SRL: variants seen among roughly 807,000 people sequenced by gnomAD.
The protein encoded by SRL is sarcalumenin.
Under a neutral mutation model 39.5 loss-of-function variants are expected in SRL, and 23 were observed. The observed-to-expected ratio is 0.58, with a 90% CI of 0.42 to 0.82. The LOEUF is 0.82. Among genes scored for constraint, SRL ranks in the 40% least tolerant of loss-of-function variants. SRL has a pLI of 0.00. For synonymous variants in SRL, 272 were observed against 237.4 expected, an observed-to-expected ratio of 1.15 and a Z score of -1.34; for missense variants, 592 against 607.8, an observed-to-expected ratio of 0.97 and a Z score of 0.27.
intron 3 of SRL, among the ~76,000 whole-genome samples, chr16:4,202,420 C>A (rs762135499): frequency 2.6e-5 from 4 of 152,112 alleles, no homozygotes; most frequent in Non-Finnish European, 5.9e-5. Context: ...GGTGAAACCC[C>A]ATCTCTACTA....
At chr16:4,241,254 A>C (rs1295678817) in intron 1 of SRL, among the ~76,000 whole-genome samples, 7 of 152,056 alleles carry the variant, frequency 4.6e-5, no homozygotes, top group Non-Finnish European at 2.9e-5. Context: ...GTGGCAAAAC[A>C]ATCTGGCATC....
At position 4,201,637 on chromosome 16, in the gene SRL, TTTTGTTTGTTTGTTTG is replaced by T. The variant is rs3081045; in HGVS notation, c.259+1513_259+1528del. Among the ~76,000 whole-genome samples the T allele has an allele frequency of 4.9e-5, 6 of 122,244 alleles. 1 individual carries two copies. Among genetic ancestry groups the T allele is most frequent in the East Asian group, 2.0e-4 (1 of 4,934 alleles). 80.2% of individuals were successfully genotyped at this position (122,244 alleles called of 152,430 possible). On this transcript the variant is annotated intron_variant, in intron 3 of 5. Coordinates refer to ENST00000399609, the MANE Select transcript of SRL (RefSeq NM_001098814.2). The stretch of plus-strand genomic sequence containing the variant: ...GCTGGGCCCAATTTTTGTGTGTGTG[TTTTGTTTGTTTGTTTG>T]TTTGTTTGTTTGTTTGTTTTGAGAT...
chr16:4,217,610 C>G (rs191510647), intron 1 of SRL, among the ~76,000 whole-genome samples: 1 of 152,336 alleles, frequency 6.6e-6, no homozygotes, highest in East Asian at 1.9e-4. Flanking sequence ...GCGAAGTAAC[C>G]TTGGGTTGCT....
chr16:4,195,819 A>G, intron 4 of SRL, 33 bp from the exon 5 acceptor site: 1 of 1,564,760 alleles, frequency 6.4e-7, no homozygotes, highest in Non-Finnish European at 8.8e-7. Context: ...GAAGGAATAC[A>G]TGATCTCTGT....
intron 1 of SRL, among the ~76,000 whole-genome samples, chr16:4,211,710 T>C (rs982758272): frequency 6.6e-5 from 10 of 150,818 alleles, no homozygotes; most frequent in Admixed American, 3.3e-4. Context: ...GTGATGATGG[T>C]GATGGTGATG....
chr16:4,226,650 G>A (rs368459926), intron 1 of SRL, among the ~76,000 whole-genome samples: 2 of 151,960 alleles, frequency 1.3e-5, no homozygotes, highest in African/African-American at 2.4e-5. Flanking sequence ...TGGAAGGAAG[G>A]AAGGGTGAAT....
chr16:4,216,630 C>T (rs2052463481), intron 1 of SRL, among the ~76,000 whole-genome samples: 2 of 152,182 alleles, frequency 1.3e-5, no homozygotes, highest in African/African-American at 4.8e-5. Flanking sequence ...ATCCTAACCC[C>T]TCAGTATGAG....
At chr16:4,197,083 T>TTTTGTG (rs1555453611) in intron 4 of SRL, among the ~76,000 whole-genome samples, 3 of 69,846 alleles carry the variant, frequency 4.3e-5, no homozygotes, top group African/African-American at 5.6e-5. Context: ...TTTTTTTTTT[T>TTTTGTG]TGTGAGACAG....
rs750703728 is a variant in SRL at position 4,204,659 on chromosome 16, G to C, written c.62-25C>G. ...TCTGTGGAGAGAAGCAGACAGCCAAGTGAGAGCAAAGCTAACAGCCAGCTG... is the reference window on the plus strand; with the variant it reads ...TCTGTGGAGAGAAGCAGACAGCCAACTGAGAGCAAAGCTAACAGCCAGCTG... On this transcript the variant is annotated intron_variant, in intron 1 of 5. Coordinates refer to ENST00000399609, the MANE Select transcript of SRL (RefSeq NM_001098814.2). 3.1e-6 allele frequency: 5 copies of C among 1,606,934 alleles called. No individual in the cohort carries two copies. In the South Asian group the frequency reaches 3.3e-5, roughly 11 times the overall value.
At chr16:4,216,047 G>A (rs2052456121) in intron 1 of SRL, among the ~76,000 whole-genome samples, 1 of 150,448 alleles carries the variant, frequency 6.6e-6, no homozygotes, top group Non-Finnish European at 1.5e-5. Flanking sequence ...AAAAAAAAAA[G>A]GATTAAGACT....
chr16:4,208,820 G>T (rs537121918), intron 1 of SRL, among the ~76,000 whole-genome samples: 1 of 152,244 alleles, frequency 6.6e-6, no homozygotes, highest in African/African-American at 2.4e-5. Context: ...GGCCGGGCCT[G>T]GCTTCCCAAA....
intron 1 of SRL, among the ~76,000 whole-genome samples, chr16:4,208,532 C>T (rs1233212358): frequency 6.6e-6 from 1 of 152,200 alleles, no homozygotes. Flanking sequence ...CTTGGAGATG[C>T]TTCCAAGAAG....
chr16:4,238,862 C>A (rs910396302), intron 1 of SRL, among the ~76,000 whole-genome samples: 4 of 151,914 alleles, frequency 2.6e-5, no homozygotes, highest in African/African-American at 9.7e-5. Context: ...TTCAAGCGAT[C>A]CTCCCACCTT....
intron 1 of SRL, among the ~76,000 whole-genome samples, chr16:4,224,786 A>G (rs1357686988): frequency 6.6e-6 from 1 of 152,176 alleles, no homozygotes; most frequent in Non-Finnish European, 1.5e-5. Flanking sequence ...AAAAAACTGT[A>G]CACTGATGTT....
chr16:4,240,712 G>A (rs530505806), intron 1 of SRL, among the ~76,000 whole-genome samples: 12 of 152,282 alleles, frequency 7.9e-5, no homozygotes, highest in African/African-American at 2.4e-4. Flanking sequence ...AATTCCTGGG[G>A]CCCAGTGTGT....
chr16:4,224,850 T>C (rs1010706760), intron 1 of SRL, among the ~76,000 whole-genome samples: 2 of 152,154 alleles, frequency 1.3e-5, no homozygotes, highest in Non-Finnish European at 2.9e-5. Flanking sequence ...CGACTGTCCA[T>C]CAGTAGATCA....
chr16:4,222,095 C>T (rs879583333), intron 1 of SRL, among the ~76,000 whole-genome samples: 3 of 152,188 alleles, frequency 2.0e-5, no homozygotes, highest in Non-Finnish European at 4.4e-5. Context: ...ACAGGTCCCC[C>T]AATAGCCCAC....
intron 1 of SRL, among the ~76,000 whole-genome samples, chr16:4,223,759 G>A (rs2052556930): frequency 6.6e-6 from 1 of 152,018 alleles, no homozygotes; most frequent in South Asian, 2.1e-4. Flanking sequence ...ACCATCCTTG[G>A]ACCTTGATTA....
chr16:4,192,583 G>A lies in SRL; in HGVS notation c.992C>T (p.Ala331Val). The A allele has an allele frequency of 6.2e-7, 1 of 1,614,166 alleles. No individual in the cohort carries two copies. Among genetic ancestry groups the A allele is most frequent in the East Asian group, 2.2e-5 (1 of 44,884 alleles). The stretch of plus-strand genomic sequence containing the variant: ...CCGGATGGCGTGCTGGCGGATGAAG[G>A]CAATCTTGTTCTCCAGTCTGTTCTC... ...VIENRLENKI[A>V]FIRQHAIRVR... The change falls in exon 6 of 6, where the codon GCC (alanine) becomes GTC (valine). Residue 331 changes from alanine to valine, a missense_variant. Ala to Val is a moderately conservative substitution (Grantham distance 64). Coordinates refer to ENST00000399609, the MANE Select transcript of SRL (RefSeq NM_001098814.2). This position sits in a 1 kb window ranked among gnomAD's most constrained non-coding sequence, Gnocchi z 4.0.
Sources: allele counts gnomAD v4.1 joint callset (sites outside exome capture counted in the v4.1 genomes callset), GRCh38; gene constraint gnomAD v4.1.1; non-coding constraint Gnocchi (gnomAD v3.1); transcripts MANE v1.5; gene names NCBI Gene and HGNC (gene_info 2026-07-23, HGNC 2026-07-21).